The following MGAT5B variants were observed in gnomAD, a reference collection of about 807,000 sequenced individuals.
MGAT5B encodes the protein N-acetylglucosaminyl-transferase Vb.
Under a neutral mutation model 95.1 loss-of-function variants are expected in MGAT5B, and 54 were observed. That is an observed-to-expected ratio of 0.57 (90% CI 0.46 to 0.71). The LOEUF (loss-of-function observed/expected upper bound fraction) is 0.71. Ranked by LOEUF, MGAT5B falls within the 30% of genes least tolerant of loss-of-function variation. The probability of loss-of-function intolerance (pLI) is 0.00; values close to 1 mark genes in which losing one functional copy is unlikely to be tolerated. For synonymous variants in MGAT5B, 464 were observed against 451.0 expected, an observed-to-expected ratio of 1.03 and a Z score of -0.36; for missense variants, 935 against 1,088.6, an observed-to-expected ratio of 0.86 and a Z score of 1.99.
At chr17:76,898,214 C>G (rs542758177) in intron 3 of MGAT5B, among the ~76,000 whole-genome samples, 1 of 152,136 alleles carries the variant, frequency 6.6e-6, no homozygotes, top group Non-Finnish European at 1.5e-5. Context: ...TCCTGTGTTC[C>G]GTCAGCGGAA....
chr17:76,923,394 C>A (rs4788954), intron 8 of MGAT5B, among the ~76,000 whole-genome samples: 92,337 of 151,790 alleles, frequency 0.61, 28,940 homozygotes, highest in Non-Finnish European at 0.7. Flanking sequence ...TGGCTGGCAC[C>A]TGAACCCTGA....
At chr17:76,913,848 C>A (rs890434932) in intron 8 of MGAT5B, 5 of 452,522 alleles carry the variant, frequency 1.1e-5, no homozygotes, top group African/African-American at 1.0e-4. Context: ...GGGCGGCTCA[C>A]TCCTGTAATC....
At chr17:76,897,689 C>CTTTCT (rs1968122629) in intron 3 of MGAT5B, among the ~76,000 whole-genome samples, 1 of 105,992 alleles carries the variant, frequency 9.4e-6, no homozygotes, top group East Asian at 2.6e-4. Context: ...TTCTTTCTTT[C>CTTTCT]TTTCTTTCTT....
intron 1 of MGAT5B, chr17:76,872,602 C>A: frequency 7.0e-7 from 1 of 1,428,566 alleles, no homozygotes; most frequent in African/African-American, 1.4e-5. Context: ...TGCCTCATGC[C>A]TAAGTGTGCG....
At chr17:76,894,469 G>A (rs557894693) in intron 3 of MGAT5B, among the ~76,000 whole-genome samples, 3 of 152,318 alleles carry the variant, frequency 2.0e-5, no homozygotes, top group African/African-American at 4.8e-5. Flanking sequence ...TGTCATTATC[G>A]TTAGTGGCAT....
chr17:76,868,457 C>CG lies in MGAT5B; in HGVS notation c.-569dup, dbSNP rs995841125. On this transcript the variant is annotated 5_prime_UTR_variant, in exon 1 of 18. Transcript: ENST00000569840. The surrounding 1 kb of genome is among the most constrained non-coding windows in gnomAD (Gnocchi z 6.3). ...CGGCGCCTCCGGGCGTAGCGTCGCGCGGGGCCGGACGCCGGACACCAGAGC... is the reference window on the plus strand; with the variant it reads ...CGGCGCCTCCGGGCGTAGCGTCGCGCGGGGGCCGGACGCCGGACACCAGAGC... The CG allele has an allele frequency of 2.5e-4, 37 of 150,616 alleles. No homozygotes were observed. Among genetic ancestry groups the CG allele is most frequent in the African/African-American group, 7.5e-4 (31 of 41,370 alleles). The allele number at this position is 150,616 out of a possible 1,614,324, so 9.3% of individuals were successfully genotyped here. A position where few individuals can be genotyped will look rare whatever the true frequency, so the allele number is the denominator to read the frequency against.
At chr17:76,893,205 C>T (rs1008037524) in intron 3 of MGAT5B, among the ~76,000 whole-genome samples, 1 of 152,198 alleles carries the variant, frequency 6.6e-6, no homozygotes. Flanking sequence ...TCTGCCCCCT[C>T]TCCCTGATAA....
intron 3 of MGAT5B, chr17:76,882,626 A>T: frequency 4.4e-6 from 1 of 227,440 alleles, no homozygotes; most frequent in Non-Finnish European, 8.5e-6. Context: ...TGTTTAACAC[A>T]CACACATTAT....
intron 3 of MGAT5B, among the ~76,000 whole-genome samples, chr17:76,898,014 T>C (rs4441307): frequency 0.51 from 77,299 of 151,424 alleles, 23,935 homozygotes; most frequent in African/African-American, 0.86. Context: ...CGGGATTGTG[T>C]CATTGCACTC....
intron 2 of MGAT5B, 148 bp downstream of exon 2, chr17:76,873,111 ACC>A: frequency 1.2e-6 from 1 of 848,738 alleles, no homozygotes; most frequent in South Asian, 1.7e-5. Flanking sequence ...GGGCCGTATG[ACC>A]CTCCATGCAC....
chr17:76,907,618 C>T lies in MGAT5B; in HGVS notation c.1025+1431C>T, dbSNP rs147573713. On this transcript the variant is annotated intron_variant, in intron 8 of 17. Transcript: ENST00000569840. Reference sequence around the variant, plus strand: ...ATTATGTATCAGTTTTTCCTGTCTGCGGATATTTTTTCCTGTTTTTGAAAT... The same window carrying T: ...ATTATGTATCAGTTTTTCCTGTCTGTGGATATTTTTTCCTGTTTTTGAAAT... Among the ~76,000 whole-genome samples the T allele has an allele frequency of 1.5e-3, 227 of 152,262 alleles. 1 individual carries two copies. The highest frequency in any genetic ancestry group is 0.01 in the Admixed American group (160 of 15,292).
Position 76,891,672 on chromosome 17 carries a change from G to A in MGAT5B, c.329+9374G>A, listed in dbSNP as rs373160559. ...TGGGATTACAGGCGTGAGCCACTGC[G>A]CCCGGCCCTGGGGGTTAGGATCGCA... On this transcript the variant is annotated intron_variant, in intron 3 of 17. Coordinates refer to ENST00000569840, the MANE Select transcript of MGAT5B (RefSeq NM_001199172.2). Among the ~76,000 whole-genome samples the A allele has an allele frequency of 1.8e-4, 27 of 152,376 alleles. 1 individual carries two copies. In the South Asian group the frequency reaches 2.9e-3, roughly 16 times the overall value.
intron 15 of MGAT5B, among the ~76,000 whole-genome samples, chr17:76,942,991 T>G (rs1969908750): frequency 6.6e-6 from 1 of 151,936 alleles, no homozygotes; most frequent in South Asian, 2.1e-4. Context: ...CAAGACACAT[T>G]GTTAAGCTAA....
intron 9 of MGAT5B, among the ~76,000 whole-genome samples, 196 bp downstream of exon 9, chr17:76,925,293 T>A (rs12940826): frequency 1 from 66,140 of 66,140 alleles, 33,070 homozygotes; most frequent in Non-Finnish European, 1. Flanking sequence ...CTCAATGATA[T>A]TTAATAAACC....
chr17:76,933,204 AGCTGCCTGCATGGGGT>A, intron 11 of MGAT5B, 72 bp from the exon 12 acceptor site: 1 of 1,559,460 alleles, frequency 6.4e-7, no homozygotes, highest in Non-Finnish European at 8.7e-7. Flanking sequence ...CCCAGAGAGG[AGCTGCCTGCATGGGGT>A]GTTGTCTGCG....
chr17:76,941,035 G>A (rs1599003619), intron 15 of MGAT5B, among the ~76,000 whole-genome samples, 187 bp downstream of exon 15: 2 of 152,202 alleles, frequency 1.3e-5, no homozygotes, highest in African/African-American at 4.8e-5. Flanking sequence ...AATGGAATGG[G>A]GGATCCCATT....
chr17:76,924,989 G>T lies in MGAT5B; in HGVS notation c.1049G>T (p.Arg350Leu), dbSNP rs140434997. ...LQSNLGVPPGRGSCPLTMPLP... is the reference protein window; with the variant it reads ...LQSNLGVPPGLGSCPLTMPLP... ...AGTAACTTAGGGGTACCGCCAGGCC[G>T]GGGAAGCTGCCCGCTCACCATGCCC... Residue 350 changes from arginine (R) to leucine (L), a missense_variant, in exon 9 of 18, where the codon CGG (arginine) becomes CTG (leucine). Physicochemically the swap from Arg to Leu is moderately radical, Grantham distance 102. Around this residue, in one of 4 missense-constraint regions of MGAT5B, gnomAD observed 243 missense variants for 305.5 expected, o/e 0.80. Transcript: ENST00000569840. 1.9e-6 allele frequency: 3 copies of T among 1,611,968 alleles called. No homozygotes were observed. Among genetic ancestry groups the T allele is most frequent in the Non-Finnish European group, 2.5e-6 (3 of 1,179,444 alleles).
intron 8 of MGAT5B, among the ~76,000 whole-genome samples, chr17:76,908,272 C>CTTTT (rs34430112): frequency 7.8e-6 from 1 of 128,268 alleles, no homozygotes; most frequent in Non-Finnish European, 1.6e-5. Flanking sequence ...CTCTTTCTTT[C>CTTTT]TTCTTTTTTT....
intron 2 of MGAT5B, among the ~76,000 whole-genome samples, chr17:76,877,397 G>A (rs938479268): frequency 6.6e-6 from 1 of 151,790 alleles, no homozygotes; most frequent in Non-Finnish European, 1.5e-5. Context: ...TAGGCTGAAG[G>A]TCCATGGCAC....
Sources: allele counts gnomAD v4.1 joint callset (sites outside exome capture counted in the v4.1 genomes callset), GRCh38; gene constraint gnomAD v4.1.1; regional missense constraint gnomAD v4.1.1; non-coding constraint Gnocchi (gnomAD v3.1); transcripts MANE v1.5; gene names NCBI Gene and HGNC (gene_info 2026-07-23, HGNC 2026-07-21).